Variants in CNTNAP2 observed in about 807,000 individuals in gnomAD.
CNTNAP2 encodes contactin-associated protein-like 2.
Under a neutral mutation model 155.2 loss-of-function variants are expected in CNTNAP2, and 98 were observed. The ratio of observed to expected loss-of-function variants is 0.63; its 90% CI spans 0.54 to 0.75. The LOEUF is 0.75. Among genes scored for constraint, CNTNAP2 ranks in the 30% least tolerant of loss-of-function variants. CNTNAP2 has a pLI of 0.00. For synonymous variants in CNTNAP2, 651 were observed against 631.2 expected (o/e 1.03, Z -0.47); for missense variants, 1,727 against 1,688.1 (o/e 1.02, Z -0.40).
At chr7:146,768,942 T>G (rs185885757) in intron 1 of CNTNAP2, among the ~76,000 whole-genome samples, 1,955 of 152,320 alleles carry the variant, frequency 0.013, 36 homozygotes, top group African/African-American at 0.042. Context: ...TCTTGTAAAC[T>G]CCTGCCAGTA....
chr7:147,091,876 G>A (rs541869937), intron 4 of CNTNAP2, among the ~76,000 whole-genome samples: 1 of 152,090 alleles, frequency 6.6e-6, no homozygotes, highest in African/African-American at 2.4e-5. Flanking sequence ...AAAGTGCTGG[G>A]ATTACAGGCG....
chr7:147,639,915 A>T (rs28391808), intron 13 of CNTNAP2, among the ~76,000 whole-genome samples: 4,199 of 152,272 alleles, frequency 0.028, 196 homozygotes, highest in African/African-American at 0.095. Context: ...GATATACTGG[A>T]AATAACTTTA....
rs566863573 is a variant in CNTNAP2 at position 148,320,702 on chromosome 7, T to C, written c.3475+53576T>C. Among the ~76,000 whole-genome samples the C allele has an allele frequency of 6.6e-5, 10 of 152,148 alleles. No homozygotes were observed. In the East Asian group the frequency reaches 1.7e-3, roughly 27 times the overall value. ...CCCAGCCAACAAAGAATTTTTAGGT[T>C]CCCACTATTCCACCCCACCTGTGCT... On this transcript the variant is annotated intron_variant, in intron 21 of 23. Transcript: ENST00000361727.
chr7:148,100,807 G>A (rs140287437), intron 15 of CNTNAP2, among the ~76,000 whole-genome samples: 4,219 of 152,128 alleles, frequency 0.028, 81 homozygotes, highest in Non-Finnish European at 0.039. Context: ...TATAAATCAT[G>A]CTGCTATAAA....
intron 13 of CNTNAP2, among the ~76,000 whole-genome samples, chr7:147,853,769 A>C (rs74639673): frequency 6.6e-6 from 1 of 152,024 alleles, no homozygotes; most frequent in Non-Finnish European, 1.5e-5. Flanking sequence ...ATTTTTTCTC[A>C]TTCTTTTTTA....
At chr7:147,560,055 C>A (rs149733086) in intron 11 of CNTNAP2, among the ~76,000 whole-genome samples, 1 of 151,286 alleles carries the variant, frequency 6.6e-6, no homozygotes, top group African/African-American at 2.4e-5. Flanking sequence ...GTAATCCCAG[C>A]TACTTGGGAG....
chr7:146,938,045 T>C (rs1406933771), intron 3 of CNTNAP2, among the ~76,000 whole-genome samples: 2 of 152,200 alleles, frequency 1.3e-5, no homozygotes, highest in Non-Finnish European at 2.9e-5. Flanking sequence ...TGAGGTCGTT[T>C]GAACCATCTG....
intron 1 of CNTNAP2, among the ~76,000 whole-genome samples, chr7:146,576,744 T>C (rs2129147034): frequency 6.6e-6 from 1 of 152,298 alleles, no homozygotes; most frequent in African/African-American, 2.4e-5. Flanking sequence ...CATTTCCTCA[T>C]AATCAGGAAA....
At chr7:146,422,009 A>T (rs1483521803) in intron 1 of CNTNAP2, among the ~76,000 whole-genome samples, 1 of 151,910 alleles carries the variant, frequency 6.6e-6, no homozygotes, top group East Asian at 1.9e-4. Flanking sequence ...TCTATTCAAC[A>T]AAAGTGATAC....
intron 10 of CNTNAP2, among the ~76,000 whole-genome samples, chr7:147,428,408 C>T (rs1463131199): frequency 6.6e-6 from 1 of 152,118 alleles, no homozygotes; most frequent in East Asian, 1.9e-4. Flanking sequence ...AAGGCCCTCT[C>T]TCACACTTTT....
At chr7:147,418,508 CACTT>C (rs1469032999) in intron 10 of CNTNAP2, among the ~76,000 whole-genome samples, 19 of 152,164 alleles carry the variant, frequency 1.2e-4, no homozygotes, top group Non-Finnish European at 5.9e-5. Context: ...TTGAGGCTAT[CACTT>C]AGTGGGGAAA....
rs535454043 is a variant in CNTNAP2 at position 147,395,676 on chromosome 7, G to C, written c.1566G>C (p.Gln522His). 41 of 1,612,590 alleles carry C rather than the reference G, an allele frequency of 2.5e-5. No homozygotes were observed. Among genetic ancestry groups the C allele is most frequent in the Non-Finnish European group, 3.1e-5 (37 of 1,178,848 alleles). Residue 522 changes from glutamine (Q) to histidine (H), a missense_variant, in exon 10 of 24, where the codon CAG (glutamine) becomes CAC (histidine). By Grantham distance (24) the Gln-to-His change is conservative. Coordinates refer to ENST00000361727, the MANE Select transcript of CNTNAP2 (RefSeq NM_014141.6). ...VLQPSFQGCM[Q>H]LIQVDDQLVN... ...AGCCTTCATTCCAAGGATGCATGCA[G>C]CTCATTCAAGTGGACGATCAACTTG...
intron 13 of CNTNAP2, among the ~76,000 whole-genome samples, chr7:147,686,220 T>C (rs990912011): frequency 1.3e-5 from 2 of 151,988 alleles, no homozygotes; most frequent in African/African-American, 4.8e-5. Flanking sequence ...AGTCTGAAGT[T>C]TGAGACATTT....
intron 4 of CNTNAP2, among the ~76,000 whole-genome samples, chr7:147,102,821 G>A (rs1328712359): frequency 6.6e-6 from 1 of 152,192 alleles, no homozygotes; most frequent in East Asian, 1.9e-4. Flanking sequence ...AAAGTATTCA[G>A]ATAAAAGCAA....
intron 15 of CNTNAP2, among the ~76,000 whole-genome samples, chr7:148,036,954 G>A (rs1035594280): frequency 2.0e-5 from 3 of 152,082 alleles, no homozygotes; most frequent in Non-Finnish European, 4.4e-5. Context: ...ATAGCTAATT[G>A]TTACATAATT....
At chr7:146,770,055 G>T (rs1802265245) in intron 1 of CNTNAP2, among the ~76,000 whole-genome samples, 1 of 151,968 alleles carries the variant, frequency 6.6e-6, no homozygotes, top group African/African-American at 2.4e-5. Context: ...ATGGAGCCAG[G>T]TCTAATGAGC....
chr7:146,618,320 A>C (rs889205318), intron 1 of CNTNAP2, among the ~76,000 whole-genome samples: 2 of 152,234 alleles, frequency 1.3e-5, no homozygotes, highest in African/African-American at 4.8e-5. Context: ...CATGTTATTT[A>C]TCTCAAACTA....
chr7:146,693,764 G>T (rs1800736280), intron 1 of CNTNAP2, among the ~76,000 whole-genome samples: 1 of 152,092 alleles, frequency 6.6e-6, no homozygotes, highest in African/African-American at 2.4e-5. Flanking sequence ...ACATGTACAG[G>T]ATGTGCAGGT....
chr7:147,701,915 C>A (rs909269165), intron 13 of CNTNAP2, among the ~76,000 whole-genome samples: 1 of 152,194 alleles, frequency 6.6e-6, no homozygotes, highest in East Asian at 1.9e-4. Context: ...ACACAGTATA[C>A]CTAAGTTTTG....
Sources: allele counts gnomAD v4.1 joint callset (sites outside exome capture counted in the v4.1 genomes callset), GRCh38; gene constraint gnomAD v4.1.1; transcripts MANE v1.5; gene names NCBI Gene and HGNC (gene_info 2026-07-23, HGNC 2026-07-21).